STAT1: variants seen among roughly 807,000 people sequenced by gnomAD.
STAT1 encodes the protein signal transducer and activator of transcription 1-alpha/beta.
Under a neutral mutation model 111.7 loss-of-function variants are expected in STAT1, and 24 were observed. That is an observed-to-expected ratio of 0.21 (90% CI 0.16 to 0.30). STAT1 has a LOEUF of 0.30. Among genes scored for constraint, STAT1 ranks in the 10% least tolerant of loss-of-function variants. STAT1 has a pLI of 1.00. For synonymous variants in STAT1, 332 were observed against 326.5 expected (o/e 1.02, Z -0.18); for missense variants, 351 against 911.9 (o/e 0.38, Z 7.92).
In STAT1 at chr2:190,997,954, A is replaced by T. The variant is rs761607680; in HGVS notation, c.687T>A (p.Asn229Lys). 1 of 1,614,240 alleles carries T rather than the reference A, an allele frequency of 6.2e-7. No individual in the cohort carries two copies. The highest frequency in any genetic ancestry group is 1.1e-5 in the South Asian group (1 of 91,088). The part of the protein sequence containing the change: ...ELLNVTELTQ[N>K]ALINDELVEW... The stretch of plus-strand genomic sequence containing the variant: ...CCACTAGTTCATCATTAATCAGGGC[A>T]TTCTGGGTAAGTTCAGTGACATTCA... The change falls in exon 9 of 25, where the codon AAT becomes AAA. Residue 229 changes from asparagine to lysine, a missense_variant. Around this residue, in one of 7 missense-constraint regions of STAT1, gnomAD observed 67 missense variants for 158.9 expected, o/e 0.42. Coordinates refer to ENST00000361099, the MANE Select transcript of STAT1 (RefSeq NM_007315.4). This position sits in a 1 kb window ranked among gnomAD's most constrained non-coding sequence, Gnocchi z 7.3.
Position 190,989,112 on chromosome 2 carries a change from C to T in STAT1, c.1097+503G>A, listed in dbSNP as rs569375629. Reference sequence around the variant, plus strand: ...TCTCCCCAAGATGCTGCTGACCTCGCTCCAGAAAAAAACCCCCAAATGACC... The same window carrying T: ...TCTCCCCAAGATGCTGCTGACCTCGTTCCAGAAAAAAACCCCCAAATGACC... On this transcript the variant is annotated intron_variant, in intron 12 of 24. Transcript: ENST00000361099. The surrounding 1 kb of genome is among the most constrained non-coding windows in gnomAD (Gnocchi z 5.0). 1.3e-5 allele frequency among the ~76,000 whole-genome samples: 2 copies of T among 152,144 alleles called. No homozygotes were observed. The highest frequency in any genetic ancestry group is 4.2e-4 in the South Asian group (2 of 4,806).
In STAT1 at chr2:190,998,432, T is replaced by C. The variant is rs1694007775; in HGVS notation, c.542-124A>G. On this transcript the variant is annotated intron_variant, in intron 7 of 24. Transcript: ENST00000361099. The surrounding 1 kb of genome is among the most constrained non-coding windows in gnomAD (Gnocchi z 4.1). ...CTAGTGACAGGTCAAAGTTTGGCTT[T>C]CTTCGATCTTTAATGAACATGAAAA... The C allele has an allele frequency of 1.3e-6, 1 of 786,570 alleles. No homozygotes were observed. The highest frequency in any genetic ancestry group is 1.7e-5 in the African/African-American group (1 of 58,068). The allele number at this position is 786,570 out of a possible 1,614,324, so 48.7% of individuals were successfully genotyped here.
chr2:190,985,492 C>A lies in STAT1; in HGVS notation c.1263+127G>T, dbSNP rs45539542. 1.4e-4 allele frequency: 129 copies of A among 916,632 alleles called. 2 individuals are homozygous for A. The Admixed American group carries it at 2.4e-3, about 17-fold the overall frequency. 56.8% of individuals were successfully genotyped at this position (916,632 alleles called of 1,614,324 possible). ...TGTCACAGATATACCAAATACCCAG[C>A]TCCTTTGCTGCTCTTCCCTGATGGG... On this transcript the variant is annotated intron_variant, in intron 15 of 24. Coordinates refer to ENST00000361099, the MANE Select transcript of STAT1 (RefSeq NM_007315.4).
rs1386765172 is a variant in STAT1, at chr2:190,970,788, T to C, written c.2239-71A>G. On this transcript the variant is annotated intron_variant, in intron 24 of 24. Coordinates refer to ENST00000361099, the MANE Select transcript of STAT1 (RefSeq NM_007315.4). The surrounding 1 kb of genome is among the most constrained non-coding windows in gnomAD (Gnocchi z 5.4). Reference sequence around the variant, plus strand: ...GAAATGCAGACTCATACATTAAACATTGCTTGTCTATTCTAGAATGAAGTA... The same window carrying C: ...GAAATGCAGACTCATACATTAAACACTGCTTGTCTATTCTAGAATGAAGTA... The C allele has an allele frequency of 7.0e-7, 1 of 1,421,950 alleles. No homozygotes were observed. Among genetic ancestry groups the C allele is most frequent in the East Asian group, 2.3e-5 (1 of 43,870 alleles). 88.1% of individuals were successfully genotyped at this position (1,421,950 alleles called of 1,614,324 possible). A position where few individuals can be genotyped will look rare whatever the true frequency, so the allele number is the denominator to read the frequency against.
In STAT1 at chr2:190,986,767, A is replaced by C; in HGVS notation, c.1221+87T>G. The C allele has an allele frequency of 1.5e-6, 2 of 1,303,120 alleles. No individual in the cohort carries two copies. The highest frequency in any genetic ancestry group is 1.2e-5 in the South Asian group (1 of 84,682). 80.7% of individuals were successfully genotyped at this position (1,303,120 alleles called of 1,614,324 possible). A position where few individuals can be genotyped will look rare whatever the true frequency, so the allele number is the denominator to read the frequency against. ...AAACCCCAGCAGGGGGGCGTCCTCC[A>C]CATGGCAATGTGCCAAAAAGGGCTG... On this transcript the variant is annotated intron_variant, in intron 14 of 24. Coordinates refer to ENST00000361099, the MANE Select transcript of STAT1 (RefSeq NM_007315.4). This position sits in a 1 kb window ranked among gnomAD's most constrained non-coding sequence, Gnocchi z 5.0.
At position 191,000,999 on chromosome 2, in the gene STAT1, C is replaced by T. The variant is rs559630853; in HGVS notation, c.462+75G>A. 1.5e-3 allele frequency: 1,808 copies of T among 1,223,144 alleles called. 23 individuals carry two copies. In the South Asian group the frequency reaches 0.021, roughly 14 times the overall value. The allele number at this position is 1,223,144 out of a possible 1,614,324, so 75.8% of individuals were successfully genotyped here. ...AGACTGAACTCAGTTACGAGGTTTA[C>T]ACCCCAAGCAATTGAAACCTTTTTT... On this transcript the variant is annotated intron_variant, in intron 6 of 24. Coordinates refer to ENST00000361099, the MANE Select transcript of STAT1 (RefSeq NM_007315.4). The surrounding 1 kb of genome is among the most constrained non-coding windows in gnomAD (Gnocchi z 4.8).
Position 190,985,343 on chromosome 2 carries a change from C to T in STAT1, c.1263+276G>A, listed in dbSNP as rs1207450925. Among the ~76,000 whole-genome samples the T allele has an allele frequency of 4.6e-5, 7 of 152,314 alleles. 1 individual carries two copies. The highest frequency in any genetic ancestry group is 3.9e-4 in the Admixed American group (6 of 15,300). On this transcript the variant is annotated intron_variant, in intron 15 of 24. Transcript: ENST00000361099. The stretch of plus-strand genomic sequence containing the variant: ...ACTTCTGTGAGTCAATTTCTTCACC[C>T]GTAAGATGCGAAGAATACAAAAGCC...
At chr2:191,010,114 CAT>C (rs774322449) in intron 2 of STAT1, 110 bp from the exon 3 acceptor site, 42 of 1,260,410 alleles carry the variant, frequency 3.3e-5, no homozygotes, top group Non-Finnish European at 4.4e-5. Context: ...TAATCCAAAA[CAT>C]AGTTTGTCCC....
chr2:190,991,587 A>G (rs1189649376), intron 10 of STAT1, among the ~76,000 whole-genome samples: 1 of 152,214 alleles, frequency 6.6e-6, no homozygotes, highest in African/African-American at 2.4e-5. Context: ...GGCTAGGCAC[A>G]GTGGCCCATG....
In STAT1 at chr2:191,012,204, G is replaced by A. The variant is rs181659372; in HGVS notation, c.-2+1321C>T. The stretch of plus-strand genomic sequence containing the variant: ...AAGGTGGGCGGATTGCCTGAGCTCC[G>A]GAGTTCAAGACCAGCCTGGGCAACA... On this transcript the variant is annotated intron_variant, in intron 2 of 24. Transcript: ENST00000361099. The surrounding 1 kb of genome is among the most constrained non-coding windows in gnomAD (Gnocchi z 4.0). 1.4e-4 allele frequency among the ~76,000 whole-genome samples: 22 copies of A among 151,842 alleles called. No homozygotes were observed. The highest frequency in any genetic ancestry group is 2.6e-4 in the Admixed American group (4 of 15,284).
Position 190,987,100 on chromosome 2 carries a change from G to C in STAT1, c.1098-32C>G. The C allele has an allele frequency of 6.6e-7, 1 of 1,526,014 alleles. No homozygotes were observed. The highest frequency in any genetic ancestry group is 9.1e-7 in the Non-Finnish European group (1 of 1,102,774). 94.5% of individuals were successfully genotyped at this position (1,526,014 alleles called of 1,614,324 possible). A position where few individuals can be genotyped will look rare whatever the true frequency, so the allele number is the denominator to read the frequency against. On this transcript the variant is annotated intron_variant, in intron 12 of 24. Coordinates refer to ENST00000361099, the MANE Select transcript of STAT1 (RefSeq NM_007315.4). The surrounding 1 kb of genome is among the most constrained non-coding windows in gnomAD (Gnocchi z 4.0). ...AAAAAATATATATAATCACATATGC[G>C]TATTTAAAATTTGAAATAAGCTTTA...
At chr2:190,991,726 CGTG>C (rs1693357344) in intron 10 of STAT1, among the ~76,000 whole-genome samples, 1 of 150,794 alleles carries the variant, frequency 6.6e-6, no homozygotes, top group Non-Finnish European at 1.5e-5. Context: ...ATTAGCCAGG[CGTG>C]GCTAATTAGT....
At position 190,987,821 on chromosome 2, in the gene STAT1, GT is replaced by G. The variant is rs1464637474; in HGVS notation, c.1098-754del. ...TCTCAACCAGAAGTTCAATGCTTTT[GT>G]GAATGACAATCACCATTAGCTATGG... On this transcript the variant is annotated intron_variant, in intron 12 of 24. Transcript: ENST00000361099. This position sits in a 1 kb window ranked among gnomAD's most constrained non-coding sequence, Gnocchi z 4.0. 6.6e-6 allele frequency among the ~76,000 whole-genome samples: 1 copy of G among 152,090 alleles called. No individual in the cohort carries two copies. Among genetic ancestry groups the G allele is most frequent in the East Asian group, 1.9e-4 (1 of 5,192 alleles).
Position 190,970,735 on chromosome 2 carries a change from G to A in STAT1, c.2239-18C>T, listed in dbSNP as rs368694984. 1.9e-6 allele frequency: 3 copies of A among 1,611,664 alleles called. No individual in the cohort carries two copies. The highest frequency in any genetic ancestry group is 4.5e-5 in the East Asian group (2 of 44,856). ...GTGTTCATCTGTAAAAAGACAAAATGTGGTTAAGTTTATTACACTGATCTT... is the reference window on the plus strand; with the variant it reads ...GTGTTCATCTGTAAAAAGACAAAATATGGTTAAGTTTATTACACTGATCTT... On this transcript the variant is annotated intron_variant, in intron 24 of 24. Coordinates refer to ENST00000361099, the MANE Select transcript of STAT1 (RefSeq NM_007315.4). The surrounding 1 kb of genome is among the most constrained non-coding windows in gnomAD (Gnocchi z 5.4).
chr2:191,012,004 G>C lies in STAT1; in HGVS notation c.-2+1521C>G, dbSNP rs1469161688. On this transcript the variant is annotated intron_variant, in intron 2 of 24. Coordinates refer to ENST00000361099, the MANE Select transcript of STAT1 (RefSeq NM_007315.4). This position sits in a 1 kb window ranked among gnomAD's most constrained non-coding sequence, Gnocchi z 4.0. ...GACCTCAGGCAATCCTTCCACCTCA[G>C]CCTCCCAAAGTGCTGGGATTACAGG... Among the ~76,000 whole-genome samples, 2 of 151,906 alleles carry C rather than the reference G, an allele frequency of 1.3e-5. No homozygotes were observed. Among genetic ancestry groups the C allele is most frequent in the African/African-American group, 4.8e-5 (2 of 41,384 alleles).
chr2:190,976,578 A>G lies in STAT1; in HGVS notation c.2059+262T>C, dbSNP rs1454195607. Among the ~76,000 whole-genome samples the G allele has an allele frequency of 6.6e-6, 1 of 152,210 alleles. No individual in the cohort carries two copies. The highest frequency in any genetic ancestry group is 2.4e-5 in the African/African-American group (1 of 41,444). On this transcript the variant is annotated intron_variant, in intron 22 of 24. Transcript: ENST00000361099. The surrounding 1 kb of genome is among the most constrained non-coding windows in gnomAD (Gnocchi z 6.0). ...CTTATTTAAACCCTTTTCATGTGGAAACAGTGATAGTAACAAATACACAAG... is the reference window on the plus strand; with the variant it reads ...CTTATTTAAACCCTTTTCATGTGGAGACAGTGATAGTAACAAATACACAAG...
At position 190,982,281 on chromosome 2, in the gene STAT1, C is replaced by CT. The variant is rs1692449840; in HGVS notation, c.1582+101dup. 2 of 1,427,042 alleles carry CT rather than the reference C, an allele frequency of 1.4e-6. No homozygotes were observed. The highest frequency in any genetic ancestry group is 2.0e-6 in the Non-Finnish European group (2 of 1,017,598). 88.4% of individuals were successfully genotyped at this position (1,427,042 alleles called of 1,614,324 possible). ...CTTGAAAAGCTGACAGATTTTAGTA[C>CT]TTTTTTACCTTTAACAAAATAGCAG... is the stretch of plus-strand genomic sequence containing the variant. On this transcript the variant is annotated intron_variant, in intron 18 of 24. Transcript: ENST00000361099. The surrounding 1 kb of genome is among the most constrained non-coding windows in gnomAD (Gnocchi z 7.3).
Position 191,006,091 on chromosome 2 carries a change from G to A in STAT1, c.372+1472C>T, listed in dbSNP as rs967629922. ...AAGGGGCCAAATGTGAGGATGACAT[G>A]CTTGCAGCTGGGGGAAACAGGTTGT... On this transcript the variant is annotated intron_variant, in intron 5 of 24. Transcript: ENST00000361099. This position sits in a 1 kb window ranked among gnomAD's most constrained non-coding sequence, Gnocchi z 4.6. Among the ~76,000 whole-genome samples, 1 of 152,220 alleles carries A rather than the reference G, an allele frequency of 6.6e-6. No homozygotes were observed. The highest frequency in any genetic ancestry group is 1.5e-5 in the Non-Finnish European group (1 of 68,036).
chr2:190,989,778 GT>G lies in STAT1; in HGVS notation c.1038-105del. 1 of 783,354 alleles carries G rather than the reference GT, an allele frequency of 1.3e-6. No homozygotes were observed. The highest frequency in any genetic ancestry group is 2.1e-6 in the Non-Finnish European group (1 of 474,222). 48.5% of individuals were successfully genotyped at this position (783,354 alleles called of 1,614,324 possible). On this transcript the variant is annotated intron_variant, in intron 11 of 24. Transcript: ENST00000361099. This position sits in a 1 kb window ranked among gnomAD's most constrained non-coding sequence, Gnocchi z 5.0. The stretch of plus-strand genomic sequence containing the variant: ...GTTTAGATAAACTACTCCCCCTCCA[GT>G]TTTAGGGTATTACCAACAAAAAAAC...
Sources: gnomAD v4.1 joint callset for allele counts (sites outside exome capture counted in the v4.1 genomes callset) on GRCh38, gnomAD v4.1.1 for gene constraint, gnomAD v4.1.1 regional missense constraint, Gnocchi (gnomAD v3.1) non-coding constraint, MANE v1.5 for transcripts, NCBI Gene and HGNC (gene_info 2026-07-23, HGNC 2026-07-21) for gene names.